Variants in XKR6 observed in about 807,000 individuals in gnomAD.
XKR6 encodes XK-related protein 6.
Under a neutral mutation model 56.7 loss-of-function variants are expected in XKR6, and 22 were observed. The observed-to-expected ratio is 0.39, with a 90% CI of 0.28 to 0.55. XKR6 has a LOEUF of 0.55. XKR6 is among the 20% of genes least tolerant of loss of function. The pLI is 0.66. For missense variants in XKR6, 852 were observed against 889.0 expected (o/e 0.96, Z 0.53); for synonymous variants, 524 against 387.8 (o/e 1.35, Z -4.13).
intron 2 of XKR6, among the ~76,000 whole-genome samples, chr8:10,903,632 C>A (rs1016978827): frequency 6.6e-6 from 1 of 152,056 alleles, no homozygotes; most frequent in Non-Finnish European, 1.5e-5. Flanking sequence ...GGCCCTAACC[C>A]TGTGTGACTG....
intron 1 of XKR6, among the ~76,000 whole-genome samples, chr8:10,930,492 A>G (rs1401130015): frequency 1.3e-5 from 2 of 152,242 alleles, no homozygotes; most frequent in African/African-American, 4.8e-5. Flanking sequence ...CAAACACAGT[A>G]CAAGCAAATA....
intron 1 of XKR6, among the ~76,000 whole-genome samples, chr8:11,156,524 T>C (rs1479351298): frequency 6.6e-6 from 1 of 152,236 alleles, no homozygotes; most frequent in Non-Finnish European, 1.5e-5. Context: ...ATTTTGTGTA[T>C]CTTAATGTTT....
chr8:11,092,932 C>T (rs538958001), intron 1 of XKR6, among the ~76,000 whole-genome samples: 1 of 152,272 alleles, frequency 6.6e-6, no homozygotes, highest in Non-Finnish European at 1.5e-5. Context: ...CCCAGGACCC[C>T]CGCTGAGGGC....
At chr8:11,017,643 C>A (rs760402340) in intron 1 of XKR6, among the ~76,000 whole-genome samples, 1 of 152,236 alleles carries the variant, frequency 6.6e-6, no homozygotes, top group African/African-American at 2.4e-5. Flanking sequence ...CACACAGAGC[C>A]TCACTTGATC....
intron 1 of XKR6, among the ~76,000 whole-genome samples, chr8:11,164,821 T>C (rs1324460958): frequency 1.3e-5 from 2 of 152,230 alleles, no homozygotes; most frequent in Non-Finnish European, 2.9e-5. Context: ...TAGCCTTGTA[T>C]ACCTGAGACC....
intron 1 of XKR6, among the ~76,000 whole-genome samples, chr8:11,174,825 G>T (rs1034987607): frequency 6.6e-6 from 1 of 152,202 alleles, no homozygotes; most frequent in Non-Finnish European, 1.5e-5. Context: ...AAGCACAAGA[G>T]AACGGATGAT....
chr8:10,982,007 T>C (rs916444023), intron 1 of XKR6, among the ~76,000 whole-genome samples: 12 of 152,352 alleles, frequency 7.9e-5, no homozygotes, highest in African/African-American at 2.9e-4. Flanking sequence ...CAAATAAACT[T>C]TCATGCACTA....
intron 1 of XKR6, among the ~76,000 whole-genome samples, chr8:11,126,676 A>G (rs1336329879): frequency 6.6e-6 from 1 of 152,196 alleles, no homozygotes; most frequent in East Asian, 1.9e-4. Context: ...CAGGGTCAAC[A>G]AAACAATCTA....
chr8:11,142,823 G>C (rs1414441965), intron 1 of XKR6, among the ~76,000 whole-genome samples: 2 of 152,134 alleles, frequency 1.3e-5, no homozygotes, highest in Non-Finnish European at 2.9e-5. Flanking sequence ...ATCAATGATG[G>C]AACAATGTGA....
chr8:10,976,187 A>G (rs919736158), intron 1 of XKR6, among the ~76,000 whole-genome samples: 6 of 142,526 alleles, frequency 4.2e-5, no homozygotes, highest in African/African-American at 1.8e-4. Context: ...AGAAAAAAAA[A>G]AAGTGCCCCC....
At chr8:10,991,083 T>C (rs1328962923) in intron 1 of XKR6, among the ~76,000 whole-genome samples, 2 of 151,976 alleles carry the variant, frequency 1.3e-5, no homozygotes, top group Non-Finnish European at 2.9e-5. Context: ...TTTGTATTTT[T>C]AGTAGAGACG....
chr8:11,046,529 A>G (rs182064664), intron 1 of XKR6, among the ~76,000 whole-genome samples: 12 of 152,370 alleles, frequency 7.9e-5, no homozygotes, highest in Admixed American at 7.8e-4. Flanking sequence ...CAAAAGGTAG[A>G]AGTAACTCAA....
intron 1 of XKR6, among the ~76,000 whole-genome samples, chr8:11,129,439 G>A (rs1472882221): frequency 1.3e-5 from 2 of 152,034 alleles, no homozygotes; most frequent in Non-Finnish European, 2.9e-5. Context: ...AATGTTTCTT[G>A]AGTGGTTCAC....
intron 1 of XKR6, among the ~76,000 whole-genome samples, chr8:11,097,655 A>C (rs1798307561): frequency 6.6e-6 from 1 of 151,748 alleles, no homozygotes; most frequent in Non-Finnish European, 1.5e-5. Context: ...TAAAAATACA[A>C]AATTAGCCGG....
At chr8:10,930,496 G>T (rs1801022104) in intron 1 of XKR6, among the ~76,000 whole-genome samples, 1 of 152,142 alleles carries the variant, frequency 6.6e-6, no homozygotes, top group South Asian at 2.1e-4. Context: ...CACAGTACAA[G>T]CAAATAAAAC....
At chr8:11,129,068 G>C (rs1799972108) in intron 1 of XKR6, 1 of 425,276 alleles carries the variant, frequency 2.4e-6, no homozygotes, top group Non-Finnish European at 4.7e-6. Flanking sequence ...CAATGACTCA[G>C]ATGCATCCAT....
intron 1 of XKR6, among the ~76,000 whole-genome samples, chr8:11,066,179 G>C (rs1280778194): frequency 2.0e-5 from 3 of 152,168 alleles, no homozygotes; most frequent in Non-Finnish European, 4.4e-5. Flanking sequence ...CCTCCCTGTG[G>C]CTTGCCTCTG....
chr8:11,193,367 A>G (rs998394469), intron 1 of XKR6, among the ~76,000 whole-genome samples: 1 of 152,232 alleles, frequency 6.6e-6, no homozygotes, highest in African/African-American at 2.4e-5. Context: ...GTAAAATACC[A>G]TAGGGTGCTG....
In XKR6 at chr8:10,986,368, A is replaced by C. The variant is rs193213694; in HGVS notation, c.765-61538T>G. ...ATCTTTATAATCTCATCATGTAGACAGCCTTTCTAAATATAACATGATGCC... is the reference window on the plus strand; with the variant it reads ...ATCTTTATAATCTCATCATGTAGACCGCCTTTCTAAATATAACATGATGCC... On this transcript the variant is annotated intron_variant, in intron 1 of 2. Transcript: ENST00000416569. Among the ~76,000 whole-genome samples the C allele has an allele frequency of 4.6e-5, 7 of 152,368 alleles. 1 individual carries two copies. Among genetic ancestry groups the C allele is most frequent in the Middle Eastern group, 3.4e-3 (1 of 294 alleles).
Sources: allele counts gnomAD v4.1 joint callset (sites outside exome capture counted in the v4.1 genomes callset), GRCh38; gene constraint gnomAD v4.1.1; transcripts MANE v1.5; gene names NCBI Gene and HGNC (gene_info 2026-07-23, HGNC 2026-07-21).